PSMD3: variants seen among roughly 807,000 people sequenced by gnomAD.
The protein encoded by PSMD3 is 26S proteasome non-ATPase regulatory subunit 3.
In PSMD3, 5 loss-of-function variants were observed where a neutral mutation model predicts 62.8. The observed-to-expected ratio is 0.08, with a 90% CI of 0.04 to 0.17. The LOEUF (loss-of-function observed/expected upper bound fraction) is 0.17. PSMD3 is among the 10% of genes least tolerant of loss of function. The pLI is 1.00. For missense variants in PSMD3, 524 were observed against 713.6 expected (o/e 0.73, Z 3.03); for synonymous variants, 265 against 283.9 (o/e 0.93, Z 0.67).
rs527531640 is a variant in PSMD3, at chr17:39,990,702, T to C, written c.981+505T>C. 4.1e-4 allele frequency among the ~76,000 whole-genome samples: 63 copies of C among 152,324 alleles called. 1 individual carries two copies. In the South Asian group the frequency reaches 0.013, roughly 31 times the overall value. On this transcript the variant is annotated intron_variant, in intron 6 of 11. Transcript: ENST00000264639. ...CTGGCAGATAGGTTTAGAATATTCCTGATTCCCCAGCGCTCCTGACAGTCA... is the reference window on the plus strand; with the variant it reads ...CTGGCAGATAGGTTTAGAATATTCCCGATTCCCCAGCGCTCCTGACAGTCA...
intron 1 of PSMD3, among the ~76,000 whole-genome samples, chr17:39,984,001 CA>C (rs1568135805): frequency 6.6e-6 from 1 of 151,998 alleles, no homozygotes; most frequent in East Asian, 1.9e-4. Flanking sequence ...AGATCGAGAC[CA>C]TCCTGGCTAA....
At chr17:39,994,753 A>G in intron 6 of PSMD3, 1 of 591,412 alleles carries the variant, frequency 1.7e-6, no homozygotes, top group Middle Eastern at 4.5e-4. Context: ...AAAGGGCCAC[A>G]TTCCCAGCAC....
At chr17:39,986,137 C>G (rs1980519829) in intron 2 of PSMD3, among the ~76,000 whole-genome samples, 1 of 152,136 alleles carries the variant, frequency 6.6e-6, no homozygotes, top group African/African-American at 2.4e-5. Context: ...GCTCTGTCAC[C>G]CAGGCTGAAG....
intron 2 of PSMD3, 96 bp from the exon 3 acceptor site, chr17:39,986,475 ACACT>A (rs1980526312): frequency 2.1e-6 from 3 of 1,404,442 alleles, no homozygotes; most frequent in Non-Finnish European, 3.0e-6. Context: ...CACATGGTAG[ACACT>A]CAATAAATAT....
rs1598315462 is a variant in PSMD3 at position 39,995,876 on chromosome 17, T to C, written c.1321-307T>C. On this transcript the variant is annotated intron_variant, in intron 9 of 11. Coordinates refer to ENST00000264639, the MANE Select transcript of PSMD3 (RefSeq NM_002809.4). This position sits in a 1 kb window ranked among gnomAD's most constrained non-coding sequence, Gnocchi z 4.1. Reference sequence around the variant, plus strand: ...GCTCATGCCTGTAATCCCAGCACTTTGGGAGGCTGACATGGGCAGATCACC... The same window carrying C: ...GCTCATGCCTGTAATCCCAGCACTTCGGGAGGCTGACATGGGCAGATCACC... The C allele has an allele frequency of 6.3e-6, 3 of 476,098 alleles. No individual in the cohort carries two copies. The highest frequency in any genetic ancestry group is 8.4e-5 in the East Asian group (2 of 23,672). The allele number at this position is 476,098 out of a possible 1,614,324, so 29.5% of individuals were successfully genotyped here.
intron 4 of PSMD3, among the ~76,000 whole-genome samples, chr17:39,989,193 G>T (rs757262584): frequency 6.6e-5 from 10 of 152,178 alleles, no homozygotes; most frequent in Non-Finnish European, 1.0e-4. Context: ...AAGGCCTGAC[G>T]TGATCTGCTC....
intron 4 of PSMD3, 101 bp from the exon 5 acceptor site, chr17:39,989,638 T>C: frequency 4.2e-6 from 5 of 1,179,864 alleles, no homozygotes; most frequent in Non-Finnish European, 5.9e-6. Context: ...AGAAAAGCAA[T>C]TTGTATAACT....
intron 4 of PSMD3, among the ~76,000 whole-genome samples, chr17:39,989,439 C>T (rs545859156): frequency 6.6e-6 from 1 of 152,334 alleles, no homozygotes; most frequent in Non-Finnish European, 1.5e-5. Flanking sequence ...CTGCATTCCC[C>T]ATTGCAGTTC....
At chr17:39,987,577 G>A (rs770650173) in intron 3 of PSMD3, among the ~76,000 whole-genome samples, 8 of 152,092 alleles carry the variant, frequency 5.3e-5, no homozygotes, top group African/African-American at 4.8e-5. Flanking sequence ...CCAACCCCTG[G>A]GCTCAAGTGA....
intron 3 of PSMD3, among the ~76,000 whole-genome samples, chr17:39,987,708 C>G (rs1424763057): frequency 6.6e-6 from 1 of 152,146 alleles, no homozygotes; most frequent in Non-Finnish European, 1.5e-5. Context: ...GTCTTGAACT[C>G]CTGGGCTCAG....
intron 3 of PSMD3, among the ~76,000 whole-genome samples, chr17:39,987,292 A>C (rs984990203): frequency 2.6e-5 from 4 of 152,190 alleles, no homozygotes; most frequent in African/African-American, 9.7e-5. Context: ...TCAGGAAGTA[A>C]GTCGCACTCC....
rs187384679 is a variant in PSMD3 at position 39,985,201 on chromosome 17, C to T, written c.411+717C>T. 2.9e-3 allele frequency among the ~76,000 whole-genome samples: 449 copies of T among 152,246 alleles called. 1 individual carries two copies. Among genetic ancestry groups the T allele is most frequent in the African/African-American group, 0.01 (430 of 41,546 alleles). On this transcript the variant is annotated intron_variant, in intron 2 of 11. Coordinates refer to ENST00000264639, the MANE Select transcript of PSMD3 (RefSeq NM_002809.4). ...CAAGATTGCACCACTGCACTCTAGC[C>T]TAGGTGACAGGGTGACCCCCCTACC...
chr17:39,980,851 G>T lies in PSMD3; in HGVS notation c.-120G>T, dbSNP rs1161369770. The T allele has an allele frequency of 4.4e-6, 4 of 918,514 alleles. No individual in the cohort carries two copies. The highest frequency in any genetic ancestry group is 6.2e-6 in the Non-Finnish European group (4 of 643,282). 56.9% of individuals were successfully genotyped at this position (918,514 alleles called of 1,614,324 possible). ...AGGGGTTTGCAGCTGCTCCGTCATC[G>T]TGCGGCCCGACGCTATCTCGCGCTC... On this transcript the variant is annotated 5_prime_UTR_variant, in exon 1 of 12. Coordinates refer to ENST00000264639, the MANE Select transcript of PSMD3 (RefSeq NM_002809.4).
At chr17:39,986,482 A>G (rs989732011) in intron 2 of PSMD3, 93 bp from the exon 3 acceptor site, 7 of 1,469,632 alleles carry the variant, frequency 4.8e-6, no homozygotes, top group Non-Finnish European at 6.6e-6. Flanking sequence ...TAGACACTCA[A>G]TAAATATGTT....
Position 39,995,142 on chromosome 17 carries a change from T to C in PSMD3, c.1097-34T>C, listed in dbSNP as rs753643353. 1.2e-6 allele frequency: 2 copies of C among 1,614,054 alleles called. No individual in the cohort carries two copies. Among genetic ancestry groups the C allele is most frequent in the East Asian group, 4.5e-5 (2 of 44,852 alleles). ...GGCCTCTTACATGCCTGTGCCTATT[T>C]GCATCATCCAATCTACTCCTGTTCT... On this transcript the variant is annotated intron_variant, in intron 7 of 11. Transcript: ENST00000264639. The surrounding 1 kb of genome is among the most constrained non-coding windows in gnomAD (Gnocchi z 4.1).
chr17:39,988,830 C>G lies in PSMD3; in HGVS notation c.686+11C>G, dbSNP rs752781840. ...GGATGTGGTGCGCAGGTACAGGCAG[C>G]CAAGCATCTCACTTGGGGTCCGTGG... is the stretch of plus-strand genomic sequence containing the variant. On this transcript the variant is annotated intron_variant, in intron 4 of 11. Transcript: ENST00000264639. 1.9e-6 allele frequency: 3 copies of G among 1,612,934 alleles called. No individual in the cohort carries two copies. The highest frequency in any genetic ancestry group is 1.1e-5 in the South Asian group (1 of 91,030).
At chr17:39,997,193 C>T (rs778297205) in intron 10 of PSMD3, 137 bp from the exon 11 acceptor site, 6 of 760,748 alleles carry the variant, frequency 7.9e-6, no homozygotes, top group East Asian at 2.4e-5. Context: ...CCTAGCCCCC[C>T]ACTAGACTAA....
Position 39,997,938 on chromosome 17 carries a change from CAAT to C in PSMD3, c.*360_*362del. ...TGAAGCTTCGATTATGATTTTTAAA[CAAT>C]AAAAAGTTCTCCACAGTGCTTTGTG... On this transcript the variant is annotated 3_prime_UTR_variant, in exon 12 of 12. Transcript: ENST00000264639. The C allele has an allele frequency of 6.4e-6, 2 of 312,066 alleles. No homozygotes were observed. Among genetic ancestry groups the C allele is most frequent in the Non-Finnish European group, 1.2e-5 (2 of 161,846 alleles). 19.3% of individuals were successfully genotyped at this position (312,066 alleles called of 1,614,324 possible).
chr17:39,992,024 C>CAAAAAAAAAAAA lies in PSMD3; in HGVS notation c.981+1836_981+1837insAAAAAAAAAAAA, dbSNP rs59894264. ...TGGGCGACAGAGCAAGACTCTGTCT[C>CAAAAAAAAAAAA]AAAAAAAAACAAACATTAAAATTGA... On this transcript the variant is annotated intron_variant, in intron 6 of 11. Transcript: ENST00000264639. Among the ~76,000 whole-genome samples, 71 of 102,062 alleles carry CAAAAAAAAAAAA rather than the reference C, an allele frequency of 7.0e-4. 3 individuals are homozygous for CAAAAAAAAAAAA. Among genetic ancestry groups the CAAAAAAAAAAAA allele is most frequent in the Non-Finnish European group, 9.0e-4 (42 of 46,568 alleles). The allele number at this position is 102,062 out of a possible 152,430, so 67.0% of individuals were successfully genotyped here. A position where few individuals can be genotyped will look rare whatever the true frequency, so the allele number is the denominator to read the frequency against.
Sources: allele counts gnomAD v4.1 joint callset (sites outside exome capture counted in the v4.1 genomes callset), GRCh38; gene constraint gnomAD v4.1.1; non-coding constraint Gnocchi (gnomAD v3.1); transcripts MANE v1.5; gene names NCBI Gene and HGNC (gene_info 2026-07-23, HGNC 2026-07-21).